Variants in RIMS1 observed in about 807,000 individuals in gnomAD.
RIMS1 encodes regulating synaptic membrane exocytosis 1, also known as regulating synaptic membrane exocytosis protein 1.
In RIMS1, 83 loss-of-function variants were observed where a neutral mutation model predicts 214.1. The ratio of observed to expected loss-of-function variants is 0.39; its 90% CI spans 0.32 to 0.47. The LOEUF (loss-of-function observed/expected upper bound fraction) is 0.47, where lower values mean the gene tolerates loss of function less well. Ranked by LOEUF, RIMS1 falls within the 20% of genes least tolerant of loss-of-function variation. The probability of loss-of-function intolerance (pLI) is 0.99; values close to 1 mark genes in which losing one functional copy is unlikely to be tolerated. For missense variants in RIMS1, 2,050 were observed against 2,161.8 expected (o/e 0.95, Z 1.03); for synonymous variants, 793 against 786.8 (o/e 1.01, Z -0.13).
At chr6:72,325,268 T>C (rs1263335977) in intron 28 of RIMS1, among the ~76,000 whole-genome samples, 1 of 151,776 alleles carries the variant, frequency 6.6e-6, no homozygotes, top group African/African-American at 2.4e-5. Flanking sequence ...TTTAGCAAAT[T>C]GAATCCAGAT....
intron 16 of RIMS1, among the ~76,000 whole-genome samples, chr6:72,253,192 C>T (rs991115924): frequency 6.6e-6 from 1 of 152,060 alleles, no homozygotes; most frequent in African/African-American, 2.4e-5. Flanking sequence ...CTATGATTTT[C>T]CTTCCACCAT....
At chr6:72,058,765 A>G (rs1827054322) in intron 2 of RIMS1, among the ~76,000 whole-genome samples, 1 of 152,242 alleles carries the variant, frequency 6.6e-6, no homozygotes. Context: ...CACACCTTAT[A>G]AAAAAGCTTA....
chr6:71,906,436 T>G (rs1775276118), intron 1 of RIMS1, among the ~76,000 whole-genome samples: 1 of 152,192 alleles, frequency 6.6e-6, no homozygotes, highest in Non-Finnish European at 1.5e-5. Context: ...CAGTTATGGA[T>G]GCTATCCCTA....
At chr6:72,107,896 A>C (rs1476527591) in intron 4 of RIMS1, among the ~76,000 whole-genome samples, 2 of 152,226 alleles carry the variant, frequency 1.3e-5, no homozygotes. Flanking sequence ...CAAACACTAG[A>C]TTGATCACAA....
rs567783836 is a variant in RIMS1 at position 71,897,645 on chromosome 6, C to T, written c.164+10458C>T. The stretch of plus-strand genomic sequence containing the variant: ...TTCTCAAATAGATTTTGGTATTCGT[C>T]TTAACCTCTTTTGATTGTTTTATTT... On this transcript the variant is annotated intron_variant, in intron 1 of 33. Transcript: ENST00000521978. Among the ~76,000 whole-genome samples, 11 of 152,278 alleles carry T rather than the reference C, an allele frequency of 7.2e-5. No homozygotes were observed. The South Asian group carries it at 2.3e-3, about 32-fold the overall frequency.
chr6:72,308,741 A>G (rs188799766), intron 27 of RIMS1, among the ~76,000 whole-genome samples: 11 of 152,132 alleles, frequency 7.2e-5, no homozygotes, highest in East Asian at 1.9e-4. Flanking sequence ...GTGATGCTCA[A>G]CTCCCTAAGA....
At chr6:71,985,636 A>C (rs953718077) in intron 2 of RIMS1, among the ~76,000 whole-genome samples, 1 of 152,168 alleles carries the variant, frequency 6.6e-6, no homozygotes, top group Non-Finnish European at 1.5e-5. Flanking sequence ...GGAAATTGAC[A>C]AACCCTATAA....
chr6:72,286,331 G>T (rs2092303717), intron 24 of RIMS1, among the ~76,000 whole-genome samples: 1 of 152,186 alleles, frequency 6.6e-6, no homozygotes, highest in Non-Finnish European at 1.5e-5. Flanking sequence ...TCAGCTGGAG[G>T]TGCTTAACTC....
At chr6:72,351,379 A>G (rs1043136263) in intron 29 of RIMS1, among the ~76,000 whole-genome samples, 5 of 152,146 alleles carry the variant, frequency 3.3e-5, no homozygotes, top group African/African-American at 4.8e-5. Flanking sequence ...CATTCATTCC[A>G]CAGATATTGA....
At chr6:71,912,919 A>C (rs1334140904) in intron 1 of RIMS1, among the ~76,000 whole-genome samples, 1 of 152,188 alleles carries the variant, frequency 6.6e-6, no homozygotes, top group African/African-American at 2.4e-5. Context: ...TCAAAATTCT[A>C]AGTAAAAACA....
intron 2 of RIMS1, among the ~76,000 whole-genome samples, chr6:72,009,904 G>A (rs1191654517): frequency 1.3e-5 from 2 of 152,128 alleles, no homozygotes; most frequent in South Asian, 4.1e-4. Flanking sequence ...GTACAAGGAA[G>A]AGCTGGTACC....
intron 2 of RIMS1, among the ~76,000 whole-genome samples, chr6:72,088,804 T>G (rs912529464): frequency 2.2e-4 from 33 of 152,122 alleles, no homozygotes; most frequent in African/African-American, 7.7e-4. Flanking sequence ...GTAATTTGCT[T>G]GGGGAACTGA....
At chr6:72,274,775 A>G (rs1331152870) in intron 23 of RIMS1, among the ~76,000 whole-genome samples, 3 of 152,080 alleles carry the variant, frequency 2.0e-5, no homozygotes, top group South Asian at 2.1e-4. Flanking sequence ...GTATATTAAA[A>G]TCTGTCACAG....
intron 2 of RIMS1, among the ~76,000 whole-genome samples, chr6:72,086,922 C>T (rs1834799459): frequency 6.6e-6 from 1 of 152,124 alleles, no homozygotes; most frequent in Non-Finnish European, 1.5e-5. Context: ...AGTTAGAAAG[C>T]TAATGAAATA....
chr6:71,887,617 T>C (rs1768190271), intron 1 of RIMS1, among the ~76,000 whole-genome samples: 3 of 152,130 alleles, frequency 2.0e-5, no homozygotes, highest in African/African-American at 7.2e-5. Flanking sequence ...CTTCTCTTCT[T>C]GGAGTTGTTT....
chr6:72,186,548 C>G (rs1347180434), intron 6 of RIMS1, among the ~76,000 whole-genome samples: 1 of 152,020 alleles, frequency 6.6e-6, no homozygotes, highest in African/African-American at 2.4e-5. Flanking sequence ...TGCTTCTGTT[C>G]ACTCAGATTT....
chr6:72,271,286 A>ATATATATATATATATATATAT (rs1554403465), intron 22 of RIMS1, among the ~76,000 whole-genome samples: 5 of 44,386 alleles, frequency 1.1e-4, no homozygotes, highest in African/African-American at 3.2e-4. Context: ...AAAAAAAAAA[A>ATATATATATATATATATATAT]ATATATATAT....
intron 4 of RIMS1, among the ~76,000 whole-genome samples, chr6:72,119,305 AT>A: frequency 6.6e-6 from 1 of 151,896 alleles, no homozygotes; most frequent in East Asian, 1.9e-4. Flanking sequence ...TGCCAAAAAA[AT>A]AATAGATGAC....
chr6:71,967,417 C>T (rs1794758406), intron 1 of RIMS1, among the ~76,000 whole-genome samples: 1 of 152,066 alleles, frequency 6.6e-6, no homozygotes, highest in Non-Finnish European at 1.5e-5. Context: ...GCTGCATCTG[C>T]TATTTTTAGT....
Sources: gnomAD v4.1 joint callset for allele counts (sites outside exome capture counted in the v4.1 genomes callset) on GRCh38, gnomAD v4.1.1 for gene constraint, MANE v1.5 for transcripts, NCBI Gene and HGNC (gene_info 2026-07-23, HGNC 2026-07-21) for gene names.